Variants in PLPPR5 observed in about 807,000 individuals in gnomAD.
PLPPR5 encodes phospholipid phosphatase related 5.
In PLPPR5, 16 loss-of-function variants were observed where a neutral mutation model predicts 33.9. The observed-to-expected ratio is 0.47, with a 90% CI of 0.32 to 0.72. The LOEUF (loss-of-function observed/expected upper bound fraction) is 0.72, where lower values mean the gene tolerates loss of function less well. Ranked by LOEUF, PLPPR5 falls within the 30% of genes least tolerant of loss-of-function variation. The pLI, the probability that PLPPR5 is intolerant of heterozygous loss-of-function variation, is 0.03. For synonymous variants in PLPPR5, 163 were observed against 150.3 expected, an observed-to-expected ratio of 1.08 and a Z score of -0.62; for missense variants, 301 against 406.7, an observed-to-expected ratio of 0.74 and a Z score of 2.23.
intron 1 of PLPPR5, among the ~76,000 whole-genome samples, chr1:98,972,350 C>T (rs1282308475): frequency 1.3e-5 from 2 of 152,048 alleles, no homozygotes; most frequent in Non-Finnish European, 2.9e-5. Context: ...ACTTAATGAG[C>T]AATTCTGAAC....
intron 1 of PLPPR5, among the ~76,000 whole-genome samples, chr1:98,969,152 G>C (rs1056609492): frequency 3.9e-5 from 6 of 151,990 alleles, no homozygotes; most frequent in Admixed American, 6.6e-5. Context: ...ATCTGGTAGA[G>C]CTAGCATCTC....
intron 1 of PLPPR5, among the ~76,000 whole-genome samples, chr1:99,004,034 G>A (rs1358408543): frequency 1.3e-5 from 2 of 152,110 alleles, no homozygotes; most frequent in Non-Finnish European, 2.9e-5. Context: ...CGGCCCGCCC[G>A]CCGCTGCTCT....
intron 5 of PLPPR5, among the ~76,000 whole-genome samples, chr1:98,904,606 C>T (rs1431055360): frequency 1.3e-5 from 2 of 152,062 alleles, no homozygotes; most frequent in East Asian, 3.9e-4. Flanking sequence ...CATATATTAT[C>T]TCCATGTGCT....
chr1:98,993,193 T>C (rs931767466), intron 1 of PLPPR5, among the ~76,000 whole-genome samples: 1 of 152,136 alleles, frequency 6.6e-6, no homozygotes, highest in African/African-American at 2.4e-5. Flanking sequence ...AGGCATTGAT[T>C]TGACAATTAT....
intron 1 of PLPPR5, among the ~76,000 whole-genome samples, chr1:98,985,397 A>G (rs1474422632): frequency 6.6e-6 from 1 of 152,086 alleles, no homozygotes; most frequent in Non-Finnish European, 1.5e-5. Flanking sequence ...CTGCGGTTTC[A>G]AAACCTTTTT....
rs114475533 is a variant in PLPPR5 at position 98,891,149 on chromosome 1, A to G, written c.*1923T>C. 5.1e-3 allele frequency: 776 copies of G among 152,248 alleles called. 6 individuals carry two copies. The highest frequency in any genetic ancestry group is 0.017 in the African/African-American group (719 of 41,544). 9.4% of individuals were successfully genotyped at this position (152,248 alleles called of 1,614,324 possible). A position where few individuals can be genotyped will look rare whatever the true frequency, so the allele number is the denominator to read the frequency against. On this transcript the variant is annotated 3_prime_UTR_variant, in exon 6 of 6. Transcript: ENST00000263177. ...ATCTTTAAAAAGGGTCAAGACATTCAAAGTTTCTTCATGTTCTAAATTTCC... is the reference window on the plus strand; with the variant it reads ...ATCTTTAAAAAGGGTCAAGACATTCGAAGTTTCTTCATGTTCTAAATTTCC...
At chr1:98,950,646 A>C (rs548517594) in intron 3 of PLPPR5, among the ~76,000 whole-genome samples, 2 of 152,226 alleles carry the variant, frequency 1.3e-5, no homozygotes, top group Non-Finnish European at 2.9e-5. Flanking sequence ...AACATTGGTT[A>C]CACAGCAAAA....
At chr1:98,998,484 T>C (rs1652707668) in intron 1 of PLPPR5, among the ~76,000 whole-genome samples, 1 of 152,130 alleles carries the variant, frequency 6.6e-6, no homozygotes, top group Admixed American at 6.6e-5. Context: ...AACAAACGAT[T>C]TCCTACACCA....
At chr1:98,920,368 C>T (rs1490990082) in intron 4 of PLPPR5, among the ~76,000 whole-genome samples, 1 of 150,960 alleles carries the variant, frequency 6.6e-6, no homozygotes, top group Non-Finnish European at 1.5e-5. Flanking sequence ...CTTGGCTTTG[C>T]CTATACTATT....
chr1:98,955,664 A>G (rs1650977953), intron 2 of PLPPR5, among the ~76,000 whole-genome samples: 1 of 152,060 alleles, frequency 6.6e-6, no homozygotes, highest in South Asian at 2.1e-4. Flanking sequence ...GGGTTTATAG[A>G]TAGATTAGGT....
chr1:98,962,302 C>T (rs963521916), intron 1 of PLPPR5, among the ~76,000 whole-genome samples: 10 of 150,210 alleles, frequency 6.7e-5, no homozygotes, highest in African/African-American at 1.7e-4. Flanking sequence ...CATTACCTCA[C>T]ATAATTAGCA....
chr1:98,983,343 T>C (rs1374545815), intron 1 of PLPPR5, among the ~76,000 whole-genome samples: 3 of 132,068 alleles, frequency 2.3e-5, no homozygotes, highest in Non-Finnish European at 4.8e-5. Flanking sequence ...CGGTGTTTGG[T>C]TTTTTGTTCT....
At chr1:98,958,830 T>C (rs1433726951) in intron 1 of PLPPR5, among the ~76,000 whole-genome samples, 1 of 152,108 alleles carries the variant, frequency 6.6e-6, no homozygotes, top group Non-Finnish European at 1.5e-5. Flanking sequence ...ATTCTAACAA[T>C]GCATCATCCA....
At chr1:98,976,854 G>T (rs1442183947) in intron 1 of PLPPR5, among the ~76,000 whole-genome samples, 1 of 151,820 alleles carries the variant, frequency 6.6e-6, no homozygotes, top group Non-Finnish European at 1.5e-5. Context: ...TTTAAAATAT[G>T]GTTCACATTG....
intron 1 of PLPPR5, among the ~76,000 whole-genome samples, chr1:98,969,899 C>G (rs951105581): frequency 6.6e-6 from 1 of 152,168 alleles, no homozygotes; most frequent in Non-Finnish European, 1.5e-5. Flanking sequence ...CCGTGATACT[C>G]TGAGTAACAC....
intron 3 of PLPPR5, among the ~76,000 whole-genome samples, chr1:98,930,214 A>G (rs1033034828): frequency 6.6e-6 from 1 of 152,226 alleles, no homozygotes; most frequent in African/African-American, 2.4e-5. Flanking sequence ...TAAATAAAAA[A>G]TTTAAGTTTA....
chr1:98,929,527 G>A (rs113274198), intron 3 of PLPPR5, among the ~76,000 whole-genome samples: 82 of 152,298 alleles, frequency 5.4e-4, no homozygotes, highest in African/African-American at 1.9e-3. Context: ...ACACTAAGGA[G>A]TCACAAATGT....
At chr1:98,962,289 A>T (rs147165547) in intron 1 of PLPPR5, among the ~76,000 whole-genome samples, 47 of 151,994 alleles carry the variant, frequency 3.1e-4, no homozygotes, top group African/African-American at 8.9e-4. Flanking sequence ...TATTTAACAT[A>T]TGCATTACCT....
chr1:98,932,677 G>A (rs1043329473), intron 3 of PLPPR5, among the ~76,000 whole-genome samples: 1 of 152,142 alleles, frequency 6.6e-6, no homozygotes, highest in Non-Finnish European at 1.5e-5. Flanking sequence ...AAAATCTAAT[G>A]TACTTAACAG....
Sources: gnomAD v4.1 joint callset for allele counts (sites outside exome capture counted in the v4.1 genomes callset) on GRCh38, gnomAD v4.1.1 for gene constraint, MANE v1.5 for transcripts, NCBI Gene and HGNC (gene_info 2026-07-23, HGNC 2026-07-21) for gene names.